Variants in SMOX observed in about 807,000 individuals in gnomAD.
SMOX encodes the protein flavin containing amine oxidase.
In SMOX, 22 loss-of-function variants were observed where a neutral mutation model predicts 51.0. The ratio of observed to expected loss-of-function variants is 0.43; its 90% CI spans 0.31 to 0.62. The LOEUF (loss-of-function observed/expected upper bound fraction) is 0.62. Ranked by LOEUF, SMOX falls within the 20% of genes least tolerant of loss-of-function variation. The probability of loss-of-function intolerance (pLI) is 0.10; values close to 1 mark genes in which losing one functional copy is unlikely to be tolerated. For missense variants in SMOX, 566 were observed against 777.7 expected (o/e 0.73, Z 3.24); for synonymous variants, 282 against 307.8 (o/e 0.92, Z 0.88).
Position 4,170,187 on chromosome 20 carries a change from G to A in SMOX, c.-26-4843G>A, listed in dbSNP as rs1040957568. Among the ~76,000 whole-genome samples the A allele has an allele frequency of 1.2e-4, 18 of 151,860 alleles. No homozygotes were observed. The highest frequency in any genetic ancestry group is 7.4e-5 in the Non-Finnish European group (5 of 67,954). On this transcript the variant is annotated intron_variant, in intron 1 of 6. Coordinates refer to ENST00000305958, the MANE Select transcript of SMOX (RefSeq NM_175839.3). The surrounding 1 kb of genome is among the most constrained non-coding windows in gnomAD (Gnocchi z 4.6). The stretch of plus-strand genomic sequence containing the variant: ...GGGGGGTGCTTCTGGCGCAGTTGGG[G>A]GTGGAGGTGACATGATTCAGGCTGT...
intron 2 of SMOX, among the ~76,000 whole-genome samples, chr20:4,176,379 G>T (rs1765016): frequency 0.38 from 57,605 of 151,838 alleles, 11,365 homozygotes; most frequent in East Asian, 0.43. Flanking sequence ...AAGAGTGTCT[G>T]CAGGGAAACA....
rs188057120 is a variant in SMOX, at chr20:4,183,216, G to C, written c.1370-278G>C. ...CCAGGAGGACCTCACGAGAACCCCC[G>C]ATATTAGGCGGGGAAACATGATTAT... On this transcript the variant is annotated intron_variant, in intron 5 of 6. Coordinates refer to ENST00000305958, the MANE Select transcript of SMOX (RefSeq NM_175839.3). The surrounding 1 kb of genome is among the most constrained non-coding windows in gnomAD (Gnocchi z 4.3). 65 of 572,426 alleles carry C rather than the reference G, an allele frequency of 1.1e-4. 2 individuals carry two copies. The East Asian group carries it at 1.9e-3, about 17-fold the overall frequency. The allele number at this position is 572,426 out of a possible 1,614,324, so 35.5% of individuals were successfully genotyped here.
chr20:4,183,600 G>T lies in SMOX; in HGVS notation c.1476G>T (p.Ala492=), dbSNP rs746012310. The part of the protein sequence containing the change: ...YSYTQVGSSG[A]DVEKLAKPLP... ...ACACGCAGGTGGGCTCCAGCGGGGC[G>T]GATGTGGAGAAGCTGGCCAAGCCCC... Residue 492 remains alanine (A), a synonymous_variant, in exon 6 of 7, where the codon GCG becomes GCT. Transcript: ENST00000305958. The surrounding 1 kb of genome is among the most constrained non-coding windows in gnomAD (Gnocchi z 4.3). 6.2e-6 allele frequency: 10 copies of T among 1,608,208 alleles called. No individual in the cohort carries two copies. The highest frequency in any genetic ancestry group is 6.8e-6 in the Non-Finnish European group (8 of 1,176,590).
intron 1 of SMOX, among the ~76,000 whole-genome samples, chr20:4,157,782 C>T (rs945860668): frequency 5.2e-4 from 79 of 152,240 alleles, no homozygotes; most frequent in African/African-American, 1.9e-3. Context: ...CCCTCATTCT[C>T]AGACTCTCAG....
chr20:4,177,461 C>T lies in SMOX; in HGVS notation c.319C>T (p.Arg107Cys), dbSNP rs747745458. 1.8e-5 allele frequency: 28 copies of T among 1,573,712 alleles called. No individual in the cohort carries two copies. Among genetic ancestry groups the T allele is most frequent in the Non-Finnish European group, 2.2e-5 (25 of 1,158,180 alleles). ...CCTGGAAGAGACAACCGATGGGGAA[C>T]GCAGCGTGGGCCGCATCAGCCTCTA... ...GLLEETTDGE[R>C]SVGRISLYSK... The change falls in exon 3 of 7, where the codon CGC becomes TGC. Residue 107 changes from arginine (R) to cysteine (C), a missense_variant. Coordinates refer to ENST00000305958, the MANE Select transcript of SMOX (RefSeq NM_175839.3). This position sits in a 1 kb window ranked among gnomAD's most constrained non-coding sequence, Gnocchi z 4.3.
intron 1 of SMOX, among the ~76,000 whole-genome samples, chr20:4,159,300 C>CG (rs1368249204): frequency 2.6e-5 from 4 of 152,066 alleles, no homozygotes; most frequent in Non-Finnish European, 5.9e-5. Flanking sequence ...TTAGTGGAGA[C>CG]GGGGTTTCAC....
Position 4,182,781 on chromosome 20 carries a change from C to G in SMOX, c.1302C>G (p.Leu434=). Residue 434 remains leucine (L), a synonymous_variant, in exon 5 of 7, where the codon CTC becomes CTG. Transcript: ENST00000305958. This position sits in a 1 kb window ranked among gnomAD's most constrained non-coding sequence, Gnocchi z 8.4. ...LSGWICGEEA[L]VMEKCDDEAV... ...GCTGGATCTGCGGGGAGGAGGCCCT[C>G]GTCATGGAGAAGTGTGATGACGAGG... 1 of 1,613,700 alleles carries G rather than the reference C, an allele frequency of 6.2e-7. No individual in the cohort carries two copies. The highest frequency in any genetic ancestry group is 8.5e-7 in the Non-Finnish European group (1 of 1,180,012).
In SMOX at chr20:4,187,530, G is replaced by A. The variant is rs906788311; in HGVS notation, c.*123G>A. The A allele has an allele frequency of 2.5e-5, 35 of 1,396,506 alleles. No individual in the cohort carries two copies. The highest frequency in any genetic ancestry group is 1.4e-4 in the East Asian group (6 of 42,952). The allele number at this position is 1,396,506 out of a possible 1,614,324, so 86.5% of individuals were successfully genotyped here. The stretch of plus-strand genomic sequence containing the variant: ...ATTTTTATCTTCTGTAGAGCTAGCC[G>A]CCCTGACTGCCTTCAGACCTGGCCC... On this transcript the variant is annotated 3_prime_UTR_variant, in exon 7 of 7. Transcript: ENST00000305958. This position sits in a 1 kb window ranked among gnomAD's most constrained non-coding sequence, Gnocchi z 4.8.
rs191544734 is a variant in SMOX at position 4,155,277 on chromosome 20, G to A, written c.-27+6300G>A. ...CCAGCTGCCGGGCCATCACCCCAGC[G>A]TGTGCAGTGCCTGTCACCCTGGCCC... On this transcript the variant is annotated intron_variant, in intron 1 of 6. Transcript: ENST00000305958. Among the ~76,000 whole-genome samples the A allele has an allele frequency of 2.8e-4, 42 of 152,280 alleles. No individual in the cohort carries two copies. The East Asian group carries it at 4.1e-3, about 15-fold the overall frequency.
At chr20:4,150,230 A>C (rs556641844) in intron 1 of SMOX, among the ~76,000 whole-genome samples, 1 of 151,880 alleles carries the variant, frequency 6.6e-6, no homozygotes, top group South Asian at 2.1e-4. Flanking sequence ...TCACAGCAAA[A>C]CTTCTCTGGA....
In SMOX at chr20:4,181,587, C is replaced by T. The variant is rs916570559; in HGVS notation, c.436-216C>T. 4.6e-5 allele frequency among the ~76,000 whole-genome samples: 7 copies of T among 152,196 alleles called. No homozygotes were observed. Among genetic ancestry groups the T allele is most frequent in the African/African-American group, 1.7e-4 (7 of 41,442 alleles). ...CAGCAAGAAAACCTCCGGGGCTTAT[C>T]CCACCTCCCCGACAGGCCGGAGGCG... On this transcript the variant is annotated intron_variant, in intron 3 of 6. Transcript: ENST00000305958. The surrounding 1 kb of genome is among the most constrained non-coding windows in gnomAD (Gnocchi z 5.6).
At chr20:4,151,475 C>G (rs114502205) in intron 1 of SMOX, among the ~76,000 whole-genome samples, 8,336 of 152,218 alleles carry the variant, frequency 0.055, 565 homozygotes, top group African/African-American at 0.16. Flanking sequence ...CTGGCCACAG[C>G]TGACCTCCCC....
chr20:4,158,686 T>C (rs1334542430), intron 1 of SMOX, among the ~76,000 whole-genome samples: 1 of 152,070 alleles, frequency 6.6e-6, no homozygotes, highest in Non-Finnish European at 1.5e-5. Context: ...GGGGCCTGAG[T>C]GAGGCATGAT....
At chr20:4,174,126 C>G (rs574173785) in intron 1 of SMOX, among the ~76,000 whole-genome samples, 1 of 152,320 alleles carries the variant, frequency 6.6e-6, no homozygotes, top group East Asian at 1.9e-4. Flanking sequence ...GGATGCAGGC[C>G]TCGTGGCACT....
Position 4,187,156 on chromosome 20 carries a change from C to G in SMOX, c.1531-114C>G. On this transcript the variant is annotated intron_variant, in intron 6 of 6. Coordinates refer to ENST00000305958, the MANE Select transcript of SMOX (RefSeq NM_175839.3). This position sits in a 1 kb window ranked among gnomAD's most constrained non-coding sequence, Gnocchi z 4.8. ...TGTGGAAGCAGCAGCACCTGCGTCT[C>G]AGAGCCTCTCTAATTTGTCATTGGG... The G allele has an allele frequency of 1.5e-6, 2 of 1,357,126 alleles. No individual in the cohort carries two copies. The highest frequency in any genetic ancestry group is 2.0e-6 in the Non-Finnish European group (2 of 1,011,076). 84.1% of individuals were successfully genotyped at this position (1,357,126 alleles called of 1,614,324 possible). A position where few individuals can be genotyped will look rare whatever the true frequency, so the allele number is the denominator to read the frequency against.
chr20:4,153,384 A>T lies in SMOX; in HGVS notation c.-27+4407A>T, dbSNP rs1985857866. ...ACATGCTTGAGTGCCTTCTCCTTGT[A>T]GACTCTGAAAGGAGGAAAGGCTTCC... is the stretch of plus-strand genomic sequence containing the variant. On this transcript the variant is annotated intron_variant, in intron 1 of 6. Transcript: ENST00000305958. The surrounding 1 kb of genome is among the most constrained non-coding windows in gnomAD (Gnocchi z 4.4). Among the ~76,000 whole-genome samples, 1 of 152,110 alleles carries T rather than the reference A, an allele frequency of 6.6e-6. No individual in the cohort carries two copies. Among genetic ancestry groups the T allele is most frequent in the Non-Finnish European group, 1.5e-5 (1 of 68,026 alleles).
intron 1 of SMOX, among the ~76,000 whole-genome samples, chr20:4,169,851 G>C (rs1026195957): frequency 2.0e-5 from 3 of 152,176 alleles, no homozygotes; most frequent in African/African-American, 7.2e-5. Context: ...GTGTATGCGG[G>C]AGGCTGTTTC....
chr20:4,176,478 G>T (rs1978861930), intron 2 of SMOX, among the ~76,000 whole-genome samples: 1 of 152,146 alleles, frequency 6.6e-6, no homozygotes, highest in African/African-American at 2.4e-5. Flanking sequence ...GACTATCTTG[G>T]CAAAAAGTGT....
intron 1 of SMOX, among the ~76,000 whole-genome samples, chr20:4,158,083 G>A (rs1041918565): frequency 4.0e-5 from 6 of 148,536 alleles, no homozygotes; most frequent in Admixed American, 6.8e-5. Flanking sequence ...TGTATTTTTA[G>A]TAGAGATGGT....
Sources: allele counts gnomAD v4.1 joint callset (sites outside exome capture counted in the v4.1 genomes callset), GRCh38; gene constraint gnomAD v4.1.1; non-coding constraint Gnocchi (gnomAD v3.1); transcripts MANE v1.5; gene names NCBI Gene and HGNC (gene_info 2026-07-23, HGNC 2026-07-21).